Variants in ACTL6A observed in about 807,000 individuals in gnomAD.
The protein encoded by ACTL6A is actin-like protein 6A.
Under a neutral mutation model 59.2 loss-of-function variants are expected in ACTL6A, and 5 were observed. The observed-to-expected ratio is 0.08, with a 90% CI of 0.04 to 0.18. ACTL6A has a LOEUF of 0.18. Among genes scored for constraint, ACTL6A ranks in the 10% least tolerant of loss-of-function variants. The pLI, the probability that ACTL6A is intolerant of heterozygous loss-of-function variation, is 1.00. For synonymous variants in ACTL6A, 154 were observed against 171.8 expected (o/e 0.90, Z 0.81); for missense variants, 285 against 526.9 (o/e 0.54, Z 4.49).
At chr3:179,584,112 A>G (rs1022119634) in intron 12 of ACTL6A, among the ~76,000 whole-genome samples, 4 of 152,224 alleles carry the variant, frequency 2.6e-5, no homozygotes, top group Non-Finnish European at 5.9e-5. Flanking sequence ...TCTTGAGGCT[A>G]GAAGCCTCAA....
chr3:179,580,499 AC>A, intron 8 of ACTL6A, 140 bp from the exon 9 acceptor site: 1 of 584,676 alleles, frequency 1.7e-6, no homozygotes, highest in South Asian at 2.6e-5. Context: ...CTTGTTAGGT[AC>A]ATTTATACTC....
chr3:179,575,938 G>A (rs894848792), intron 5 of ACTL6A, among the ~76,000 whole-genome samples: 3 of 152,182 alleles, frequency 2.0e-5, no homozygotes, highest in Admixed American at 2.0e-4. Flanking sequence ...TTTAGTGATT[G>A]TGTTAATTTT....
intron 8 of ACTL6A, among the ~76,000 whole-genome samples, chr3:179,579,158 A>T (rs1718257322): frequency 6.6e-6 from 1 of 152,006 alleles, no homozygotes; most frequent in Non-Finnish European, 1.5e-5. Context: ...GCTTTTTTTC[A>T]TATGCTGTTG....
chr3:179,583,454 T>C lies in ACTL6A; in HGVS notation c.1122+6T>C, dbSNP rs1185399245. On this transcript the variant is annotated splice_donor_region_variant and intron_variant, in intron 12 of 13. Transcript: ENST00000429709. ...TGTCTCAGAAAACTCCTCCAGTAAG[T>C]TCTGTTTGTTCTTTAATGGTATTCT... is the stretch of plus-strand genomic sequence containing the variant. The C allele has an allele frequency of 6.3e-7, 1 of 1,596,736 alleles. No individual in the cohort carries two copies. The highest frequency in any genetic ancestry group is 8.6e-7 in the Non-Finnish European group (1 of 1,165,692).
rs895127704 is a variant in ACTL6A at position 179,576,105 on chromosome 3, A to G, written c.477-112A>G. On this transcript the variant is annotated intron_variant, in intron 5 of 13. Transcript: ENST00000429709. ...GATTCACTGTAATACATTTTTAACT[A>G]TAAGGTACATGTTTAAGAAATAGTT... 64 of 728,864 alleles carry G rather than the reference A, an allele frequency of 8.8e-5. No homozygotes were observed. The Middle Eastern group carries it at 1.2e-3, about 14-fold the overall frequency. The allele number at this position is 728,864 out of a possible 1,614,324, so 45.1% of individuals were successfully genotyped here.
rs377403536 is a variant in ACTL6A, at chr3:179,570,179, C to T, written c.215C>T (p.Thr72Ile). Residue 72 changes from threonine (T) to isoleucine (I), a missense_variant, in exon 3 of 14, where the codon ACT becomes ATT. Coordinates refer to ENST00000429709, the MANE Select transcript of ACTL6A (RefSeq NM_004301.5). This position sits in a 1 kb window ranked among gnomAD's most constrained non-coding sequence, Gnocchi z 4.3. Reference sequence around the variant, plus strand: ...GGCGGTCCCACCTACTACATAGATACTAATGCTCTGCGTGTTCCGAGGGAG... The same window carrying T: ...GGCGGTCCCACCTACTACATAGATATTAATGCTCTGCGTGTTCCGAGGGAG... ...KQGGPTYYID[T>I]NALRVPRENM... 1 of 1,613,998 alleles carries T rather than the reference C, an allele frequency of 6.2e-7. No individual in the cohort carries two copies. Among genetic ancestry groups the T allele is most frequent in the African/African-American group, 1.3e-5 (1 of 74,926 alleles).
At chr3:179,577,030 G>A (rs1718189235) in intron 8 of ACTL6A, 117 bp downstream of exon 8, 4 of 654,608 alleles carry the variant, frequency 6.1e-6, no homozygotes, top group South Asian at 2.9e-5. Flanking sequence ...ATATTTTCAA[G>A]CTCTTTATTT....
Position 179,562,934 on chromosome 3 carries a change from C to A in ACTL6A, c.-159C>A. ...TGATAGGAGGAGCCAGCAAGTGTGG[C>A]TGAGCTCCGGGGTGTGTGGACGCCG... is the stretch of plus-strand genomic sequence containing the variant. On this transcript the variant is annotated 5_prime_UTR_variant, in exon 1 of 14. It adds an upstream start codon to the 5' untranslated region. Transcript: ENST00000429709. The A allele has an allele frequency of 1.1e-6, 1 of 888,382 alleles. No individual in the cohort carries two copies. The allele number at this position is 888,382 out of a possible 1,614,324, so 55.0% of individuals were successfully genotyped here.
intron 3 of ACTL6A, among the ~76,000 whole-genome samples, chr3:179,572,200 C>CT (rs1718028270): frequency 6.6e-6 from 1 of 151,580 alleles, no homozygotes; most frequent in African/African-American, 2.4e-5. Flanking sequence ...ATAAAAGGTA[C>CT]CCTTGAAGGA....
At chr3:179,580,141 G>C (rs760202875) in intron 8 of ACTL6A, among the ~76,000 whole-genome samples, 25 of 152,250 alleles carry the variant, frequency 1.6e-4, no homozygotes, top group Non-Finnish European at 3.2e-4. Flanking sequence ...GGAAAAATTA[G>C]GATGATTAGT....
At chr3:179,587,392 T>C (rs1718534454) in intron 13 of ACTL6A, among the ~76,000 whole-genome samples, 1 of 152,162 alleles carries the variant, frequency 6.6e-6, no homozygotes, top group Non-Finnish European at 1.5e-5. Flanking sequence ...CAGTCTTCCT[T>C]GCCAGATATT....
chr3:179,576,299 G>A lies in ACTL6A; in HGVS notation c.559G>A (p.Val187Ile). Residue 187 changes from valine to isoleucine, a missense_variant, in exon 6 of 14, where the codon GTC (valine) becomes ATC (isoleucine). Transcript: ENST00000429709. ...TGCAATTCCAGTCCACGATGGCTAT[G>A]TCCTTCAACAAGGTAAATGTATTTA... ...TTAIPVHDGYVLQQGIVKSPL... is the reference protein window; with the variant it reads ...TTAIPVHDGYILQQGIVKSPL... 2 of 1,598,920 alleles carry A rather than the reference G, an allele frequency of 1.3e-6. No individual in the cohort carries two copies. The highest frequency in any genetic ancestry group is 1.7e-6 in the Non-Finnish European group (2 of 1,175,630).
intron 12 of ACTL6A, among the ~76,000 whole-genome samples, chr3:179,585,734 C>A (rs887060056): frequency 6.6e-6 from 1 of 152,034 alleles, no homozygotes; most frequent in Non-Finnish European, 1.5e-5. Flanking sequence ...TGAGAACTGT[C>A]CCCAGAGGCA....
chr3:179,563,328 C>G (rs1051842146), intron 1 of ACTL6A, among the ~76,000 whole-genome samples: 1 of 152,010 alleles, frequency 6.6e-6, no homozygotes, highest in Non-Finnish European at 1.5e-5. Flanking sequence ...TGGCGGCTCT[C>G]TGTGGCCTCT....
chr3:179,574,135 TAAAG>T (rs775622134), intron 4 of ACTL6A, among the ~76,000 whole-genome samples: 38 of 152,164 alleles, frequency 2.5e-4, no homozygotes, highest in Non-Finnish European at 1.3e-4. Context: ...ATTTTATTAT[TAAAG>T]AATTTTAATT....
intron 8 of ACTL6A, among the ~76,000 whole-genome samples, chr3:179,579,453 T>TACACACACAC (rs1477872220): frequency 2.2e-4 from 12 of 55,276 alleles, no homozygotes; most frequent in South Asian, 2.3e-3. Context: ...ATTTATATCA[T>TACACACACAC]ATACACACAC....
At chr3:179,573,515 T>C (rs1367201038) in intron 4 of ACTL6A, 46 bp downstream of exon 4, 2 of 1,237,024 alleles carry the variant, frequency 1.6e-6, no homozygotes, top group Non-Finnish European at 2.1e-6. Context: ...TTGTTTTTTT[T>C]TTTTCTTTTT....
chr3:179,576,361 G>A (rs1718165540), intron 6 of ACTL6A, 50 bp downstream of exon 6: 3 of 1,345,822 alleles, frequency 2.2e-6, no homozygotes, highest in Non-Finnish European at 3.1e-6. Flanking sequence ...ATGCCATGAG[G>A]ATGCACATAA....
At chr3:179,581,828 A>G (rs1718348473) in intron 11 of ACTL6A, among the ~76,000 whole-genome samples, 1 of 152,228 alleles carries the variant, frequency 6.6e-6, no homozygotes, top group African/African-American at 2.4e-5. Context: ...TTTAACTGAA[A>G]CGATGTACAG....
Sources: allele counts gnomAD v4.1 joint callset (sites outside exome capture counted in the v4.1 genomes callset), GRCh38; gene constraint gnomAD v4.1.1; non-coding constraint Gnocchi (gnomAD v3.1); transcripts MANE v1.5; gene names NCBI Gene and HGNC (gene_info 2026-07-23, HGNC 2026-07-21).